Variants in PDE1A observed in about 807,000 individuals in gnomAD.
PDE1A encodes the protein dual specificity calcium/calmodulin-dependent 3',5'-cyclic nucleotide phosphodiesterase 1A.
In PDE1A, 35 loss-of-function variants were observed where a neutral mutation model predicts 61.7. That is an observed-to-expected ratio of 0.57 (90% CI 0.43 to 0.75). PDE1A has a LOEUF of 0.75. PDE1A is among the 30% of genes least tolerant of loss of function. PDE1A has a pLI of 0.00. For synonymous variants in PDE1A, 232 were observed against 213.2 expected, an observed-to-expected ratio of 1.09 and a Z score of -0.77; for missense variants, 597 against 630.6, an observed-to-expected ratio of 0.95 and a Z score of 0.57.
chr2:182,593,881 T>G, the PDE1A span, among the ~76,000 whole-genome samples: 1 of 152,202 alleles, frequency 6.6e-6, no homozygotes, highest in Non-Finnish European at 1.5e-5. Flanking sequence ...TCTGCATATT[T>G]GAGTATTCCC....
intron 2 of PDE1A, among the ~76,000 whole-genome samples, chr2:182,464,705 T>A (rs926878066): frequency 6.6e-6 from 1 of 152,078 alleles, no homozygotes; most frequent in African/African-American, 2.4e-5. Context: ...AAGTGGGAAT[T>A]CATAGCCAAG....
chr2:182,217,917 G>T (rs1278605527), intron 7 of PDE1A, among the ~76,000 whole-genome samples: 2 of 151,882 alleles, frequency 1.3e-5, no homozygotes, highest in Non-Finnish European at 2.9e-5. Flanking sequence ...TCCCATTACT[G>T]GGTATATACC....
chr2:182,641,682 A>G, the PDE1A span, among the ~76,000 whole-genome samples: 2 of 152,214 alleles, frequency 1.3e-5, no homozygotes, highest in Non-Finnish European at 2.9e-5. Context: ...AGTTAATTTT[A>G]CAACCCGAAT....
chr2:182,275,561 T>G (rs538089358), intron 1 of PDE1A, among the ~76,000 whole-genome samples: 4 of 152,206 alleles, frequency 2.6e-5, no homozygotes, highest in African/African-American at 9.6e-5. Context: ...TTCTGTCACA[T>G]AAAGGCAAAG....
chr2:182,321,001 C>T (rs1696658890), intron 1 of PDE1A, among the ~76,000 whole-genome samples: 1 of 152,158 alleles, frequency 6.6e-6, no homozygotes, highest in African/African-American at 2.4e-5. Flanking sequence ...TCTATTTACA[C>T]ATTCAATCTC....
chr2:182,576,009 C>T, the PDE1A span, among the ~76,000 whole-genome samples: 1 of 149,346 alleles, frequency 6.7e-6, no homozygotes, highest in Non-Finnish European at 1.5e-5. Context: ...TAAGAACACA[C>T]TAGGTGCTGT....
intron 3 of PDE1A, among the ~76,000 whole-genome samples, chr2:182,238,192 C>T: frequency 6.8e-6 from 1 of 146,826 alleles, no homozygotes; most frequent in Admixed American, 7.0e-5. Context: ...TCACTTGAAC[C>T]CGGGAGGCGG....
chr2:182,624,641 C>A, the PDE1A span, among the ~76,000 whole-genome samples: 8 of 152,264 alleles, frequency 5.3e-5, no homozygotes, highest in African/African-American at 1.9e-4. Flanking sequence ...CTGTCTTGAG[C>A]CAGTTTTGAG....
At chr2:182,146,969 T>C, downstream of PDE1A, 1 of 601,780 alleles carries the variant, frequency 1.7e-6, no homozygotes, top group Non-Finnish European at 2.8e-6. Context: ...GAAAATTTCA[T>C]CCATAATGGT....
chr2:182,368,129 C>A (rs1699937430), intron 1 of PDE1A, among the ~76,000 whole-genome samples: 1 of 152,114 alleles, frequency 6.6e-6, no homozygotes, highest in African/African-American at 2.4e-5. Context: ...TAAAGTAAAT[C>A]TCACATTTAA....
chr2:182,484,643 T>C (rs368439970), intron 2 of PDE1A, among the ~76,000 whole-genome samples: 2 of 151,820 alleles, frequency 1.3e-5, no homozygotes. Context: ...CCAGCTTCTA[T>C]AAGGAACTTA....
the PDE1A span, among the ~76,000 whole-genome samples, chr2:182,709,709 T>TATATCATG: frequency 6.6e-6 from 1 of 152,228 alleles, no homozygotes; most frequent in Non-Finnish European, 1.5e-5. Context: ...ATCTCATACA[T>TATATCATG]ATATCATGGT....
At position 182,436,096 on chromosome 2, in the gene PDE1A, G is replaced by T. The variant is rs192558176; in HGVS notation, c.101+86180C>A. Among the ~76,000 whole-genome samples, 59 of 151,968 alleles carry T rather than the reference G, an allele frequency of 3.9e-4. 2 individuals are homozygous for T. In the East Asian group the frequency reaches 9.9e-3, roughly 26 times the overall value. ...AAATAATCCAAATGTATAGAAATAGGTTACAACACTTATTACCTTTCTAAA... is the reference window on the plus strand; with the variant it reads ...AAATAATCCAAATGTATAGAAATAGTTTACAACACTTATTACCTTTCTAAA... On this transcript the variant is annotated intron_variant, in intron 2 of 14. Coordinates refer to the PDE1A transcript ENST00000410103.
intron 3 of PDE1A, among the ~76,000 whole-genome samples, chr2:182,235,936 C>T (rs1239546759): frequency 6.6e-6 from 1 of 152,206 alleles, no homozygotes; most frequent in Non-Finnish European, 1.5e-5. Context: ...TAAAAGCCAT[C>T]ATTTGTTAAA....
the PDE1A span, among the ~76,000 whole-genome samples, chr2:182,613,880 G>C: frequency 6.6e-6 from 1 of 152,170 alleles, no homozygotes; most frequent in South Asian, 2.1e-4. Flanking sequence ...GTGCAAACAG[G>C]GTCAATATTA....
the PDE1A span, among the ~76,000 whole-genome samples, chr2:182,589,449 C>A: frequency 6.6e-6 from 1 of 151,814 alleles, no homozygotes; most frequent in Non-Finnish European, 1.5e-5. Flanking sequence ...TATAATAATA[C>A]CCTTAAAGAA....
At chr2:182,396,815 T>C (rs1701730500) in intron 1 of PDE1A, among the ~76,000 whole-genome samples, 2 of 152,208 alleles carry the variant, frequency 1.3e-5, no homozygotes, top group African/African-American at 2.4e-5. Context: ...GAGATGTATA[T>C]GGGTTTAAGT....
intron 1 of PDE1A, among the ~76,000 whole-genome samples, chr2:182,419,524 T>C (rs1703141404): frequency 6.6e-6 from 1 of 152,016 alleles, no homozygotes; most frequent in Admixed American, 6.6e-5. Context: ...CATTCTTTAA[T>C]AAGGATTAGA....
chr2:182,273,140 T>C (rs903672429), intron 1 of PDE1A, among the ~76,000 whole-genome samples: 1 of 152,118 alleles, frequency 6.6e-6, no homozygotes, highest in African/African-American at 2.4e-5. Flanking sequence ...TAAAACATTG[T>C]GATTATTCAC....
Sources: gnomAD v4.1 joint callset for allele counts (sites outside exome capture counted in the v4.1 genomes callset) on GRCh38, gnomAD v4.1.1 for gene constraint, MANE v1.5 for transcripts, NCBI Gene and HGNC (gene_info 2026-07-23, HGNC 2026-07-21) for gene names.